The following ALG5 variants were observed in gnomAD, a reference collection of about 807,000 sequenced individuals.
ALG5 encodes the protein ALG5 dolichyl-phosphate beta-glucosyltransferase.
In ALG5, 26 loss-of-function variants were observed where a neutral mutation model predicts 51.8. The observed-to-expected ratio is 0.50, with a 90% CI of 0.37 to 0.70. The LOEUF is 0.70. Ranked by LOEUF, ALG5 falls within the 30% of genes least tolerant of loss-of-function variation. The probability of loss-of-function intolerance (pLI) is 0.00; values close to 1 mark genes in which losing one functional copy is unlikely to be tolerated. For missense variants in ALG5, 311 were observed against 399.3 expected (o/e 0.78, Z 1.88); for synonymous variants, 141 against 136.1 (o/e 1.04, Z -0.25).
rs997989855 is a variant in ALG5, at chr13:36,989,670, G to C, written c.355-94C>G. On this transcript the variant is annotated intron_variant, in intron 4 of 9. Transcript: ENST00000239891. The stretch of plus-strand genomic sequence containing the variant: ...TTGCTTTGGCTCAAACACTGCTATT[G>C]CAGTTTATCCCTTCTTGTGACTAGG... 7 of 916,614 alleles carry C rather than the reference G, an allele frequency of 7.6e-6. No homozygotes were observed. In the African/African-American group the frequency reaches 1.2e-4, roughly 15 times the overall value. The allele number at this position is 916,614 out of a possible 1,614,324, so 56.8% of individuals were successfully genotyped here. A position where few individuals can be genotyped will look rare whatever the true frequency, so the allele number is the denominator to read the frequency against.
chr13:36,967,951 C>T (rs539808956), intron 7 of ALG5: 2 of 408,788 alleles, frequency 4.9e-6, no homozygotes, highest in South Asian at 5.2e-5. Flanking sequence ...CTATTCATGA[C>T]TGCTCTGGCT....
chr13:36,974,850 C>T (rs1209247450), intron 6 of ALG5, among the ~76,000 whole-genome samples: 1 of 152,118 alleles, frequency 6.6e-6, no homozygotes, highest in African/African-American at 2.4e-5. Flanking sequence ...TACCATCAGA[C>T]ATACATATTT....
At position 36,988,993 on chromosome 13, in the gene ALG5, T is replaced by C. The variant is rs562910220; in HGVS notation, c.447+491A>G. On this transcript the variant is annotated intron_variant, in intron 5 of 9. Coordinates refer to ENST00000239891, the MANE Select transcript of ALG5 (RefSeq NM_013338.5). ...CCTCAGCTGACAGTAACCTCTTTTT[T>C]GAAATTTCTTAGCACTTTATCTGCA... Among the ~76,000 whole-genome samples the C allele has an allele frequency of 9.7e-4, 148 of 152,374 alleles. 1 individual carries two copies. The highest frequency in any genetic ancestry group is 6.8e-3 in the South Asian group (33 of 4,828).
chr13:36,960,788 CCCA>C (rs1014763831), intron 8 of ALG5, among the ~76,000 whole-genome samples: 3 of 151,814 alleles, frequency 2.0e-5, no homozygotes. Context: ...ATTACAGGTG[CCCA>C]CCACCATGCC....
chr13:36,992,742 C>T (rs1405520981), intron 4 of ALG5, among the ~76,000 whole-genome samples: 2 of 152,182 alleles, frequency 1.3e-5, no homozygotes, highest in African/African-American at 4.8e-5. Context: ...AGAACAAGAG[C>T]CGTATCTAAA....
At chr13:36,972,109 TATCTC>T in intron 6 of ALG5, 73 bp from the exon 7 acceptor site, 1 of 1,170,622 alleles carries the variant, frequency 8.5e-7, no homozygotes, top group Non-Finnish European at 1.2e-6. Context: ...TCAATGAGAA[TATCTC>T]ATTTTTAGAA....
chr13:36,977,790 C>CAAAAAAAAA (rs869027711), intron 6 of ALG5, among the ~76,000 whole-genome samples: 3 of 39,172 alleles, frequency 7.7e-5, no homozygotes, highest in Admixed American at 5.3e-4. Flanking sequence ...AGACTGTCTC[C>CAAAAAAAAA]AAAAAAAAAA....
chr13:36,975,697 A>G (rs967734992), intron 6 of ALG5, among the ~76,000 whole-genome samples: 12 of 152,194 alleles, frequency 7.9e-5, no homozygotes, highest in Non-Finnish European at 7.3e-5. Context: ...GTAGAATACT[A>G]AGTTAAAAGT....
intron 7 of ALG5, among the ~76,000 whole-genome samples, chr13:36,971,434 C>A (rs2058922449): frequency 6.6e-6 from 1 of 152,008 alleles, no homozygotes; most frequent in Non-Finnish European, 1.5e-5. Context: ...ATTACCTGAG[C>A]TCAGGAGTTC....
chr13:36,952,785 T>C (rs2058824164), intron 8 of ALG5, 186 bp from the exon 9 acceptor site: 2 of 418,176 alleles, frequency 4.8e-6, no homozygotes. Context: ...AGTCAAATAA[T>C]AATTTAGAAT....
chr13:36,967,270 C>T (rs548512007), intron 7 of ALG5, among the ~76,000 whole-genome samples: 2 of 151,012 alleles, frequency 1.3e-5, no homozygotes, highest in African/African-American at 2.4e-5. Flanking sequence ...AAGCACCAAA[C>T]TAGGAGGCCT....
intron 4 of ALG5, among the ~76,000 whole-genome samples, 194 bp downstream of exon 4, chr13:36,993,410 G>A (rs376970613): frequency 6.6e-6 from 1 of 152,160 alleles, no homozygotes; most frequent in African/African-American, 2.4e-5. Context: ...CCTATCTGGC[G>A]ATCTTCAAAG....
intron 6 of ALG5, among the ~76,000 whole-genome samples, chr13:36,977,221 T>C (rs2058956079): frequency 6.6e-6 from 1 of 152,236 alleles, no homozygotes; most frequent in African/African-American, 2.4e-5. Flanking sequence ...AAATGAAAGA[T>C]ATCTTTGTTT....
chr13:36,959,535 T>G (rs2058856094), intron 8 of ALG5, among the ~76,000 whole-genome samples: 1 of 152,010 alleles, frequency 6.6e-6, no homozygotes, highest in Non-Finnish European at 1.5e-5. Context: ...AAGAACTACA[T>G]TAAGGCCTAG....
At chr13:36,983,753 C>T (rs1240785400) in intron 6 of ALG5, among the ~76,000 whole-genome samples, 1 of 151,426 alleles carries the variant, frequency 6.6e-6, no homozygotes, top group Non-Finnish European at 1.5e-5. Flanking sequence ...AGTTGATTCA[C>T]TTAGAATCTT....
intron 5 of ALG5, among the ~76,000 whole-genome samples, chr13:36,988,269 T>C (rs1223823818): frequency 1.3e-5 from 2 of 152,344 alleles, no homozygotes; most frequent in South Asian, 2.1e-4. Flanking sequence ...AGAATAGGTG[T>C]CTTTCATCTC....
chr13:36,981,951 C>A (rs1339077754), intron 6 of ALG5, among the ~76,000 whole-genome samples: 1 of 152,060 alleles, frequency 6.6e-6, no homozygotes, highest in Non-Finnish European at 1.5e-5. Flanking sequence ...ATTAGCCGGG[C>A]ATGGTGGCAG....
chr13:36,999,097 G>A (rs947541922), intron 1 of ALG5, 138 bp downstream of exon 1: 1 of 668,500 alleles, frequency 1.5e-6, no homozygotes, highest in Non-Finnish European at 2.2e-6. Context: ...AAACTCCGAG[G>A]TCAGGAATTT....
At chr13:36,954,548 AC>A (rs2058831804) in intron 8 of ALG5, among the ~76,000 whole-genome samples, 1 of 152,156 alleles carries the variant, frequency 6.6e-6, no homozygotes, top group Non-Finnish European at 1.5e-5. Context: ...TATTACACAT[AC>A]AAAAAAATGC....
Sources: allele counts gnomAD v4.1 joint callset (sites outside exome capture counted in the v4.1 genomes callset), GRCh38; gene constraint gnomAD v4.1.1; transcripts MANE v1.5; gene names NCBI Gene and HGNC (gene_info 2026-07-23, HGNC 2026-07-21).